The following DSCAM variants were observed in gnomAD, a reference collection of about 807,000 sequenced individuals.
DSCAM encodes cell adhesion molecule DSCAM.
In DSCAM, 47 loss-of-function variants were observed where a neutral mutation model predicts 217.7. The observed-to-expected ratio is 0.22, with a 90% CI of 0.17 to 0.28. The LOEUF (loss-of-function observed/expected upper bound fraction) is 0.28. DSCAM is among the 10% of genes least tolerant of loss of function. The pLI, the probability that DSCAM is intolerant of heterozygous loss-of-function variation, is 1.00. For missense variants in DSCAM, 2,080 were observed against 2,618.3 expected, an observed-to-expected ratio of 0.79 and a Z score of 4.49; for synonymous variants, 1,056 against 1,015.3, an observed-to-expected ratio of 1.04 and a Z score of -0.76.
At chr21:40,378,315 T>A (rs2074983446) in intron 3 of DSCAM, among the ~76,000 whole-genome samples, 1 of 152,158 alleles carries the variant, frequency 6.6e-6, no homozygotes, top group Non-Finnish European at 1.5e-5. Context: ...ATAAAATGTT[T>A]GAAAATAAGT....
At chr21:40,473,034 A>G (rs1172178672) in intron 3 of DSCAM, among the ~76,000 whole-genome samples, 1 of 152,140 alleles carries the variant, frequency 6.6e-6, no homozygotes, top group Non-Finnish European at 1.5e-5. Flanking sequence ...CGGGGCACGG[A>G]TTTATTTGAG....
intron 3 of DSCAM, among the ~76,000 whole-genome samples, chr21:40,641,907 G>A (rs188450794): frequency 6.6e-6 from 1 of 152,182 alleles, no homozygotes; most frequent in African/African-American, 2.4e-5. Context: ...AATTAGCTGG[G>A]CATGGTGGCC....
rs796518986 is a variant in DSCAM, at chr21:40,431,592, AT to A, written c.509-62348del. On this transcript the variant is annotated intron_variant, in intron 3 of 32. Coordinates refer to ENST00000400454, the MANE Select transcript of DSCAM (RefSeq NM_001389.5). Reference sequence around the variant, plus strand: ...CTTCCACCTAATGAATAGTAAGCATATTTTTTTATTCCTTATGATTTTCTGA... The same window carrying A: ...CTTCCACCTAATGAATAGTAAGCATATTTTTTATTCCTTATGATTTTCTGA... Among the ~76,000 whole-genome samples the A allele has an allele frequency of 2.0e-3, 310 of 152,300 alleles. 1 individual carries two copies. Among genetic ancestry groups the A allele is most frequent in the African/African-American group, 6.7e-3 (279 of 41,580 alleles).
intron 8 of DSCAM, among the ~76,000 whole-genome samples, chr21:40,324,103 C>CAAAAAAAAAAAA (rs71330393): frequency 0.011 from 319 of 28,032 alleles, 6 homozygotes; most frequent in Non-Finnish European, 0.014. Context: ...AACTCTGTCT[C>CAAAAAAAAAAAA]AAAAAAAAAA....
intron 1 of DSCAM, among the ~76,000 whole-genome samples, chr21:40,714,270 C>T (rs1008537275): frequency 3.3e-5 from 5 of 152,108 alleles, no homozygotes; most frequent in Non-Finnish European, 1.5e-5. Flanking sequence ...GGAAGTGGGG[C>T]TGGCCCTGAG....
At chr21:40,379,668 T>G (rs1039601981) in intron 3 of DSCAM, among the ~76,000 whole-genome samples, 2 of 152,208 alleles carry the variant, frequency 1.3e-5, no homozygotes, top group African/African-American at 4.8e-5. Context: ...AAATGGCAGT[T>G]GCCTCTCTGA....
intron 3 of DSCAM, among the ~76,000 whole-genome samples, chr21:40,680,426 C>T (rs1323989415): frequency 6.6e-6 from 1 of 152,198 alleles, no homozygotes; most frequent in African/African-American, 2.4e-5. Flanking sequence ...GAAGGTCTCA[C>T]AACTGTGCAG....
chr21:40,820,312 G>A lies in DSCAM; in HGVS notation c.43+26307C>T, dbSNP rs577030483. ...AGAATGAGATCATGTCCTTTGCAGG[G>A]ACATGGATGAAGCTGGAAGCCATCA... On this transcript the variant is annotated intron_variant, in intron 1 of 32. Coordinates refer to ENST00000400454, the MANE Select transcript of DSCAM (RefSeq NM_001389.5). 3.9e-5 allele frequency among the ~76,000 whole-genome samples: 6 copies of A among 152,268 alleles called. No homozygotes were observed. In the South Asian group the frequency reaches 1.2e-3, roughly 32 times the overall value.
chr21:40,705,829 G>A (rs1014632871), intron 2 of DSCAM, among the ~76,000 whole-genome samples: 2 of 152,278 alleles, frequency 1.3e-5, no homozygotes, highest in Middle Eastern at 3.4e-3. Flanking sequence ...TCAGATAAAA[G>A]GGTAAATGTG....
chr21:40,515,201 T>G (rs1271328879), intron 3 of DSCAM, among the ~76,000 whole-genome samples: 1 of 152,190 alleles, frequency 6.6e-6, no homozygotes, highest in Non-Finnish European at 1.5e-5. Context: ...AAAAATAACT[T>G]TTGCACACTG....
chr21:40,558,647 C>T (rs1403638667), intron 3 of DSCAM, among the ~76,000 whole-genome samples: 1 of 152,138 alleles, frequency 6.6e-6, no homozygotes, highest in Non-Finnish European at 1.5e-5. Flanking sequence ...TAGTTCTCTT[C>T]ATAGCTTATG....
At chr21:40,351,378 G>T (rs900965745) in intron 5 of DSCAM, among the ~76,000 whole-genome samples, 3 of 152,202 alleles carry the variant, frequency 2.0e-5, no homozygotes, top group Non-Finnish European at 4.4e-5. Context: ...GGAGAGTTCA[G>T]TTTGGTATCC....
At chr21:40,212,897 C>T (rs2091199734) in intron 11 of DSCAM, among the ~76,000 whole-genome samples, 1 of 152,064 alleles carries the variant, frequency 6.6e-6, no homozygotes, top group East Asian at 1.9e-4. Flanking sequence ...AAAAAGAAGC[C>T]ATGTGAAGGT....
intron 3 of DSCAM, among the ~76,000 whole-genome samples, chr21:40,453,945 G>A (rs937121237): frequency 6.6e-6 from 1 of 152,168 alleles, no homozygotes; most frequent in African/African-American, 2.4e-5. Flanking sequence ...CCTATGCCTG[G>A]CACATGAAAC....
intron 2 of DSCAM, among the ~76,000 whole-genome samples, chr21:40,696,307 C>G (rs1390555612): frequency 6.6e-6 from 1 of 152,106 alleles, no homozygotes; most frequent in Non-Finnish European, 1.5e-5. Flanking sequence ...TATTCGACCC[C>G]AAAAGGAGGA....
intron 4 of DSCAM, among the ~76,000 whole-genome samples, chr21:40,356,420 A>C (rs2074694104): frequency 6.8e-6 from 1 of 146,650 alleles, no homozygotes; most frequent in African/African-American, 2.5e-5. Context: ...CACATTGTAC[A>C]TCACATTGTA....
chr21:40,422,769 C>T (rs963393505), intron 3 of DSCAM, among the ~76,000 whole-genome samples: 4 of 152,186 alleles, frequency 2.6e-5, no homozygotes, highest in Non-Finnish European at 5.9e-5. Flanking sequence ...GAGGCAGCCA[C>T]AAAACCAAAA....
rs771396349 is a variant in DSCAM, at chr21:40,042,582, C to T, written c.5475G>A (p.Glu1825=). The T allele has an allele frequency of 6.2e-7, 1 of 1,614,142 alleles. No homozygotes were observed. The highest frequency in any genetic ancestry group is 8.5e-7 in the Non-Finnish European group (1 of 1,180,036). ...TGGTGAACTTGGCGTGCCTCAGTTG[C>T]TCTTCCATCTTGGCGTGTTCGTAGG... ...ARAYEHAKME[E]QLRHAKFTIT... Residue 1825 remains glutamate (E), a synonymous_variant, in exon 32 of 33, where the codon GAG becomes GAA. Transcript: ENST00000400454.
intron 3 of DSCAM, among the ~76,000 whole-genome samples, chr21:40,575,764 CA>C (rs764466632): frequency 4.6e-5 from 7 of 150,730 alleles, no homozygotes; most frequent in Admixed American, 1.3e-4. Flanking sequence ...GATTCATACC[CA>C]AAATATATTA....
Sources: allele counts gnomAD v4.1 joint callset (sites outside exome capture counted in the v4.1 genomes callset), GRCh38; gene constraint gnomAD v4.1.1; transcripts MANE v1.5; gene names NCBI Gene and HGNC (gene_info 2026-07-23, HGNC 2026-07-21).